SEC22A: variants seen among roughly 807,000 people sequenced by gnomAD.
SEC22A encodes vesicle-trafficking protein SEC22a.
A neutral mutation model predicts 35.3 loss-of-function variants in SEC22A; 22 were observed. The observed-to-expected ratio is 0.62, with a 90% confidence interval of 0.45 to 0.89. The LOEUF is 0.89. SEC22A is among the 40% of genes least tolerant of loss of function. The pLI, the probability that SEC22A is intolerant of heterozygous loss-of-function variation, is 0.00. For synonymous variants in SEC22A, 119 were observed against 129.5 expected, an observed-to-expected ratio of 0.92 and a Z score of 0.55; for missense variants, 354 against 362.5, an observed-to-expected ratio of 0.98 and a Z score of 0.19.
intron 5 of SEC22A, among the ~76,000 whole-genome samples, chr3:123,251,896 A>G (rs1937618182): frequency 6.6e-6 from 1 of 152,198 alleles, no homozygotes; most frequent in Non-Finnish European, 1.5e-5. Context: ...ATAGTGTTAG[A>G]ATTCTCTGCT....
intron 5 of SEC22A, among the ~76,000 whole-genome samples, chr3:123,257,868 TG>T (rs1361799490): frequency 6.6e-6 from 1 of 151,794 alleles, no homozygotes; most frequent in South Asian, 2.1e-4. Flanking sequence ...GGCACGCACC[TG>T]TAGTCCCAAC....
intron 6 of SEC22A, among the ~76,000 whole-genome samples, chr3:123,262,108 C>T (rs1047803578): frequency 8.5e-5 from 13 of 152,130 alleles, no homozygotes; most frequent in African/African-American, 2.7e-4. Context: ...TATGTTTTAC[C>T]ATATAACATG....
chr3:123,249,671 T>G (rs574432823), intron 5 of SEC22A, among the ~76,000 whole-genome samples: 10 of 152,208 alleles, frequency 6.6e-5, no homozygotes, highest in African/African-American at 1.9e-4. Context: ...ATTACAGATG[T>G]GCATCACCAT....
At chr3:123,215,887 G>A (rs753064573) in intron 2 of SEC22A, among the ~76,000 whole-genome samples, 2 of 152,150 alleles carry the variant, frequency 1.3e-5, no homozygotes, top group South Asian at 2.1e-4. Context: ...TAATAATGAG[G>A]AACAGAGTAT....
intron 5 of SEC22A, among the ~76,000 whole-genome samples, chr3:123,247,556 A>G (rs62262606): frequency 0.2 from 29,849 of 152,120 alleles, 3,034 homozygotes; most frequent in Middle Eastern, 0.27. Context: ...GGAAAGTAGT[A>G]TAAATTACAG....
intron 1 of SEC22A, among the ~76,000 whole-genome samples, chr3:123,204,184 A>G (rs184925103): frequency 2.5e-4 from 38 of 152,374 alleles, no homozygotes; most frequent in Admixed American, 2.4e-3. Flanking sequence ...ACATATTTGA[A>G]TGAAACAAGT....
intron 5 of SEC22A, among the ~76,000 whole-genome samples, chr3:123,258,668 T>C (rs1468585556): frequency 6.6e-6 from 1 of 152,086 alleles, no homozygotes; most frequent in Admixed American, 6.5e-5. Context: ...TATGAAGAAA[T>C]GATAATGAGA....
chr3:123,271,559 T>C lies in SEC22A; in HGVS notation c.761T>C (p.Val254Ala). Reference protein sequence around the residue: ...LLVYYTGWRNVKSFLTFGLIC... With the variant: ...LLVYYTGWRNAKSFLTFGLIC... ...GTCTACTACACCGGCTGGCGGAATGTCAAATCTTTTTTGACTTTTGGCTTA... is the reference window on the plus strand; with the variant it reads ...GTCTACTACACCGGCTGGCGGAATGCCAAATCTTTTTTGACTTTTGGCTTA... The change falls in exon 7 of 7, where the codon GTC becomes GCC. Residue 254 changes from valine to alanine, a missense_variant. By Grantham distance (64) the Val-to-Ala change is moderately conservative. Transcript: ENST00000492595. 1 of 1,614,078 alleles carries C rather than the reference T, an allele frequency of 6.2e-7. No individual in the cohort carries two copies. Among genetic ancestry groups the C allele is most frequent in the South Asian group, 1.1e-5 (1 of 91,090 alleles).
At chr3:123,268,395 C>T (rs1325001394) in intron 6 of SEC22A, among the ~76,000 whole-genome samples, 1 of 152,114 alleles carries the variant, frequency 6.6e-6, no homozygotes, top group Non-Finnish European at 1.5e-5. Context: ...ACTCAGAGAA[C>T]CTACCACTGT....
At chr3:123,248,241 T>G (rs1041024397) in intron 5 of SEC22A, among the ~76,000 whole-genome samples, 2 of 152,156 alleles carry the variant, frequency 1.3e-5, no homozygotes, top group Non-Finnish European at 2.9e-5. Flanking sequence ...ATAAAAGATA[T>G]ACAGATTAGG....
chr3:123,247,646 A>C (rs1937577769), intron 5 of SEC22A, among the ~76,000 whole-genome samples: 2 of 152,180 alleles, frequency 1.3e-5, no homozygotes, highest in African/African-American at 4.8e-5. Context: ...TCTGATCAGT[A>C]ATGTCTCTGG....
At chr3:123,258,828 C>T (rs1370696658) in intron 5 of SEC22A, among the ~76,000 whole-genome samples, 1 of 151,420 alleles carries the variant, frequency 6.6e-6, no homozygotes, top group Non-Finnish European at 1.5e-5. Context: ...TGTATAAAAA[C>T]ATTGAAAGAA....
chr3:123,254,486 C>G (rs2108089456), intron 5 of SEC22A, among the ~76,000 whole-genome samples: 1 of 152,274 alleles, frequency 6.6e-6, no homozygotes, highest in Non-Finnish European at 1.5e-5. Context: ...GTCTCTGTTT[C>G]CCCACCTCTG....
intron 6 of SEC22A, among the ~76,000 whole-genome samples, chr3:123,266,660 ACTT>A (rs764619746): frequency 6.6e-6 from 1 of 152,010 alleles, no homozygotes; most frequent in Non-Finnish European, 1.5e-5. Flanking sequence ...GTGTGATTAC[ACTT>A]CTTTTAAATT....
At chr3:123,212,064 A>G (rs1276533197) in intron 2 of SEC22A, among the ~76,000 whole-genome samples, 1 of 152,118 alleles carries the variant, frequency 6.6e-6, no homozygotes, top group Non-Finnish European at 1.5e-5. Flanking sequence ...AAAAATATAT[A>G]TAAATAAAAT....
intron 2 of SEC22A, among the ~76,000 whole-genome samples, chr3:123,221,636 G>GCTC (rs1937126186): frequency 6.6e-6 from 1 of 151,934 alleles, no homozygotes; most frequent in Non-Finnish European, 1.5e-5. Context: ...GGGTTACTTT[G>GCTC]TGTTTTGTGC....
intron 4 of SEC22A, among the ~76,000 whole-genome samples, chr3:123,233,998 C>T (rs1160454854): frequency 1.3e-5 from 2 of 152,160 alleles, no homozygotes; most frequent in Non-Finnish European, 2.9e-5. Context: ...TAAATGAGTT[C>T]AGTGAGGTTG....
chr3:123,234,668 A>G (rs928281277), intron 4 of SEC22A, among the ~76,000 whole-genome samples: 3 of 152,224 alleles, frequency 2.0e-5, no homozygotes, highest in African/African-American at 7.2e-5. Context: ...AAACATACAT[A>G]TAAATCTTTG....
chr3:123,267,444 G>T (rs374827946), intron 6 of SEC22A, among the ~76,000 whole-genome samples: 33 of 151,876 alleles, frequency 2.2e-4, no homozygotes, highest in African/African-American at 7.2e-4. Context: ...TGGTCTTCTC[G>T]TGTCAATATT....
Sources: allele counts gnomAD v4.1 joint callset (sites outside exome capture counted in the v4.1 genomes callset), GRCh38; gene constraint gnomAD v4.1.1; transcripts MANE v1.5; gene names NCBI Gene and HGNC (gene_info 2026-07-23, HGNC 2026-07-21).